ANKRD6: variants seen among roughly 807,000 people sequenced by gnomAD.
ANKRD6 encodes the protein ankyrin repeat domain-containing protein 6.
In ANKRD6, 56 loss-of-function variants were observed where a neutral mutation model predicts 82.3. That is an observed-to-expected ratio of 0.68 (90% CI 0.55 to 0.85). ANKRD6 has a LOEUF of 0.85. Among genes scored for constraint, ANKRD6 ranks in the 40% least tolerant of loss-of-function variants. ANKRD6 has a pLI of 0.00. For synonymous variants in ANKRD6, 347 were observed against 352.1 expected, an observed-to-expected ratio of 0.99 and a Z score of 0.16; for missense variants, 852 against 907.6, an observed-to-expected ratio of 0.94 and a Z score of 0.79.
intron 1 of ANKRD6, among the ~76,000 whole-genome samples, chr6:89,477,461 GA>G (rs1404830388): frequency 6.6e-6 from 1 of 151,690 alleles, no homozygotes; most frequent in Non-Finnish European, 1.5e-5. Flanking sequence ...TTAAAAATCT[GA>G]AAAAATCCAA....
At chr6:89,452,206 A>G (rs760303322) in intron 1 of ANKRD6, among the ~76,000 whole-genome samples, 28 of 152,212 alleles carry the variant, frequency 1.8e-4, no homozygotes, top group Non-Finnish European at 3.4e-4. Context: ...CTTTTAGTAT[A>G]TGCTATGAAT....
At chr6:89,489,082 C>G (rs998171124) in intron 1 of ANKRD6, among the ~76,000 whole-genome samples, 1 of 152,154 alleles carries the variant, frequency 6.6e-6, no homozygotes, top group Admixed American at 6.5e-5. Context: ...TTGCCTTCCT[C>G]TTGGTACCGG....
rs373136822 is a variant in ANKRD6, at chr6:89,439,579, A to G, written c.-144+6204A>G. On this transcript the variant is annotated intron_variant, in intron 1 of 15. Transcript: ENST00000339746. ...TTAGAGTCATGGAGAAACTTCAGTAATGTGCACTAATTCTAGTAATGCTTC... is the reference window on the plus strand; with the variant it reads ...TTAGAGTCATGGAGAAACTTCAGTAGTGTGCACTAATTCTAGTAATGCTTC... Among the ~76,000 whole-genome samples, 361 of 152,334 alleles carry G rather than the reference A, an allele frequency of 2.4e-3. 1 individual carries two copies. Among genetic ancestry groups the G allele is most frequent in the African/African-American group, 8.3e-3 (344 of 41,578 alleles).
chr6:89,479,819 A>G (rs1219997421), intron 1 of ANKRD6, among the ~76,000 whole-genome samples: 1 of 152,074 alleles, frequency 6.6e-6, no homozygotes, highest in South Asian at 2.1e-4. Flanking sequence ...AAATAGAATT[A>G]CAGTATGAAA....
chr6:89,595,774 AAG>A, intron 2 of ANKRD6, 140 bp from the exon 3 acceptor site: 1 of 641,520 alleles, frequency 1.6e-6, no homozygotes, highest in African/African-American at 1.8e-5. Context: ...GTTAACCCAT[AAG>A]AATCTCCTGC....
intron 11 of ANKRD6, 24 bp downstream of exon 11, chr6:89,623,568 C>A: frequency 1.3e-6 from 2 of 1,568,348 alleles, no homozygotes; most frequent in South Asian, 1.2e-5. Flanking sequence ...GAAAGCAGCC[C>A]AGAGGGGTGG....
intron 2 of ANKRD6, among the ~76,000 whole-genome samples, chr6:89,586,709 T>G (rs1208577237): frequency 6.6e-6 from 1 of 151,818 alleles, no homozygotes; most frequent in African/African-American, 2.4e-5. Context: ...GAAAATGTAG[T>G]CTGGGCTGCC....
chr6:89,608,780 C>T (rs1052379360), intron 5 of ANKRD6, among the ~76,000 whole-genome samples: 1 of 152,206 alleles, frequency 6.6e-6, no homozygotes, highest in Non-Finnish European at 1.5e-5. Context: ...GTTCCTCTTT[C>T]CATGCTCATT....
chr6:89,582,223 G>T (rs1187421931), intron 2 of ANKRD6, among the ~76,000 whole-genome samples: 1 of 152,132 alleles, frequency 6.6e-6, no homozygotes, highest in Non-Finnish European at 1.5e-5. Context: ...AAATTTTTTT[G>T]TAGAGATGGT....
At chr6:89,527,392 G>A (rs575220852) in intron 1 of ANKRD6, among the ~76,000 whole-genome samples, 27 of 151,922 alleles carry the variant, frequency 1.8e-4, no homozygotes, top group African/African-American at 6.0e-4. Context: ...ACAGGAATTC[G>A]AGACCAGCCT....
chr6:89,631,995 A>G lies in ANKRD6; in HGVS notation c.*991A>G, dbSNP rs920539605. On this transcript the variant is annotated 3_prime_UTR_variant, in exon 16 of 16. Transcript: ENST00000339746. ...TTAGGCCCCACTGTTCCCCAACTTC[A>G]TGGAGGCCAGAAGACTTTACTTTGT... The G allele has an allele frequency of 6.6e-6, 1 of 152,238 alleles. No homozygotes were observed. Among genetic ancestry groups the G allele is most frequent in the Non-Finnish European group, 1.5e-5 (1 of 68,048 alleles). 9.4% of individuals were successfully genotyped at this position (152,238 alleles called of 1,614,324 possible). A position where few individuals can be genotyped will look rare whatever the true frequency, so the allele number is the denominator to read the frequency against.
intron 1 of ANKRD6, among the ~76,000 whole-genome samples, chr6:89,494,745 A>G (rs1778397860): frequency 6.6e-6 from 1 of 152,170 alleles, no homozygotes; most frequent in African/African-American, 2.4e-5. Flanking sequence ...CCTGCTTTCC[A>G]GCCCCCTGGA....
chr6:89,550,857 G>C (rs1785749066), intron 1 of ANKRD6, among the ~76,000 whole-genome samples: 1 of 152,168 alleles, frequency 6.6e-6, no homozygotes, highest in Non-Finnish European at 1.5e-5. Context: ...TTGGGAGGCT[G>C]AGGCAGGAGA....
At chr6:89,446,777 A>C (rs182609668) in intron 1 of ANKRD6, among the ~76,000 whole-genome samples, 1 of 152,096 alleles carries the variant, frequency 6.6e-6, no homozygotes, top group East Asian at 1.9e-4. Context: ...CGTGGGAGGG[A>C]CCTGGTGGAA....
chr6:89,479,737 A>G (rs7768192), intron 1 of ANKRD6, among the ~76,000 whole-genome samples: 15,900 of 151,572 alleles, frequency 0.1, 1,092 homozygotes, highest in African/African-American at 0.19. Flanking sequence ...TCATCATTTA[A>G]CATTAGGTAT....
intron 2 of ANKRD6, among the ~76,000 whole-genome samples, chr6:89,577,697 G>C (rs1417830224): frequency 2.0e-4 from 30 of 152,150 alleles, no homozygotes. Context: ...CACACCTATA[G>C]TCCTAGCTAC....
intron 2 of ANKRD6, among the ~76,000 whole-genome samples, chr6:89,577,151 G>A (rs1449254376): frequency 6.6e-6 from 1 of 151,688 alleles, no homozygotes; most frequent in Non-Finnish European, 1.5e-5. Flanking sequence ...TCTTCCCAAG[G>A]TCCCTTTTTA....
chr6:89,456,580 C>T (rs1447292778), intron 1 of ANKRD6, among the ~76,000 whole-genome samples: 1 of 152,158 alleles, frequency 6.6e-6, no homozygotes, highest in Non-Finnish European at 1.5e-5. Context: ...TTACCTCTTT[C>T]AGGGCTCTGT....
intron 1 of ANKRD6, among the ~76,000 whole-genome samples, chr6:89,437,439 T>G (rs1770796238): frequency 6.6e-6 from 1 of 152,192 alleles, no homozygotes; most frequent in Non-Finnish European, 1.5e-5. Context: ...ATAGGGCAGA[T>G]GTGGAACTGA....
Sources: gnomAD v4.1 joint callset for allele counts (sites outside exome capture counted in the v4.1 genomes callset) on GRCh38, gnomAD v4.1.1 for gene constraint, MANE v1.5 for transcripts, NCBI Gene and HGNC (gene_info 2026-07-23, HGNC 2026-07-21) for gene names.